Variants in GSK3B observed in about 807,000 individuals in gnomAD.
GSK3B encodes the protein glycogen synthase kinase 3 beta, also known as glycogen synthase kinase-3 beta.
GSK3B carries 15 observed loss-of-function variants against 56.4 expected under a neutral mutation model. The ratio of observed to expected loss-of-function variants is 0.27; its 90% CI spans 0.18 to 0.41. GSK3B has a LOEUF of 0.41. GSK3B is among the 10% of genes least tolerant of loss of function. The probability of loss-of-function intolerance (pLI) is 1.00; values close to 1 mark genes in which losing one functional copy is unlikely to be tolerated. For missense variants in GSK3B, 300 were observed against 513.4 expected (o/e 0.58, Z 4.02); for synonymous variants, 181 against 188.9 (o/e 0.96, Z 0.34).
At chr3:119,996,422 T>A (rs2057618585) in intron 2 of GSK3B, among the ~76,000 whole-genome samples, 1 of 152,238 alleles carries the variant, frequency 6.6e-6, no homozygotes, top group African/African-American at 2.4e-5. Flanking sequence ...GCCAAGGCTT[T>A]GGGTGCTCTC....
At chr3:119,840,610 C>A (rs1322719209) in intron 10 of GSK3B, among the ~76,000 whole-genome samples, 3 of 152,198 alleles carry the variant, frequency 2.0e-5, no homozygotes, top group Non-Finnish European at 2.9e-5. Flanking sequence ...TCTTAAACTA[C>A]AGGCAGCCGG....
chr3:119,843,213 C>T, intron 10 of GSK3B, 42 bp downstream of exon 10: 2 of 1,315,216 alleles, frequency 1.5e-6, no homozygotes, highest in Non-Finnish European at 2.2e-6. Context: ...TCATGCCCAG[C>T]CCAGAATATG....
intron 1 of GSK3B, among the ~76,000 whole-genome samples, chr3:120,062,653 G>C (rs2058247842): frequency 6.6e-6 from 1 of 152,166 alleles, no homozygotes; most frequent in African/African-American, 2.4e-5. Context: ...CAGAGAATGG[G>C]AAGAATGAGG....
intron 1 of GSK3B, 76 bp from the exon 2 acceptor site, chr3:120,002,315 G>T: frequency 1.4e-6 from 1 of 692,342 alleles, no homozygotes; most frequent in Non-Finnish European, 2.3e-6. Flanking sequence ...AAATATACAA[G>T]GTAAACTATA....
At chr3:119,947,529 C>T (rs2057112271) in intron 2 of GSK3B, among the ~76,000 whole-genome samples, 178 bp from the exon 3 acceptor site, 1 of 152,116 alleles carries the variant, frequency 6.6e-6, no homozygotes, top group African/African-American at 2.4e-5. Context: ...AGTCCATGAA[C>T]TATCTGTTAC....
At chr3:119,907,952 T>C (rs1473120002) in intron 6 of GSK3B, among the ~76,000 whole-genome samples, 1 of 152,206 alleles carries the variant, frequency 6.6e-6, no homozygotes, top group Non-Finnish European at 1.5e-5. Flanking sequence ...ATTCTGCCAT[T>C]TGTCAGTAAG....
chr3:119,837,790 T>C (rs1559802370), intron 10 of GSK3B, among the ~76,000 whole-genome samples: 2 of 150,960 alleles, frequency 1.3e-5, no homozygotes, highest in South Asian at 2.1e-4. Flanking sequence ...TTTATTACTT[T>C]AGATGTTCCA....
chr3:120,034,954 G>A (rs551152473), intron 1 of GSK3B, among the ~76,000 whole-genome samples: 8 of 152,088 alleles, frequency 5.3e-5, no homozygotes, highest in South Asian at 2.1e-4. Flanking sequence ...TTAGCTAGGC[G>A]TGGTGGCAGG....
intron 3 of GSK3B, among the ~76,000 whole-genome samples, chr3:119,944,718 TG>T (rs1180101047): frequency 2.6e-5 from 4 of 152,158 alleles, no homozygotes; most frequent in African/African-American, 9.7e-5. Context: ...ATCCATCTAC[TG>T]GGAATCTCTA....
In GSK3B at chr3:119,824,480, C is replaced by T. The variant is rs150443898; in HGVS notation, c.*2308G>A. ...TTTATGGACTCTGGGGAGTATACCA[C>T]GTCCAGAGCAGTGTCTGCATCCAAA... On this transcript the variant is annotated 3_prime_UTR_variant, in exon 11 of 11. Transcript: ENST00000264235. 4 of 215,530 alleles carry T rather than the reference C, an allele frequency of 1.9e-5. No individual in the cohort carries two copies. Among genetic ancestry groups the T allele is most frequent in the East Asian group, 1.4e-4 (2 of 14,728 alleles). 13.4% of individuals were successfully genotyped at this position (215,530 alleles called of 1,614,324 possible).
At chr3:119,999,268 T>C (rs1053928389) in intron 2 of GSK3B, among the ~76,000 whole-genome samples, 1 of 152,128 alleles carries the variant, frequency 6.6e-6, no homozygotes, top group Non-Finnish European at 1.5e-5. Flanking sequence ...AGAGGATGAA[T>C]ACTGTGAGAG....
intron 1 of GSK3B, among the ~76,000 whole-genome samples, chr3:120,034,806 T>C (rs1163665524): frequency 6.6e-6 from 1 of 152,162 alleles, no homozygotes; most frequent in East Asian, 1.9e-4. Context: ...CAAATTAAAA[T>C]GAGGGCCAGG....
intron 2 of GSK3B, among the ~76,000 whole-genome samples, chr3:119,999,725 C>T (rs2057657392): frequency 6.6e-6 from 1 of 152,116 alleles, no homozygotes; most frequent in Non-Finnish European, 1.5e-5. Flanking sequence ...AAGAATTTGA[C>T]CTGAGTTTTC....
At chr3:119,837,565 C>T (rs1278215665) in intron 10 of GSK3B, among the ~76,000 whole-genome samples, 2 of 151,936 alleles carry the variant, frequency 1.3e-5, no homozygotes, top group Admixed American at 6.6e-5. Flanking sequence ...GACCACTTCT[C>T]GGTAGATAAT....
In GSK3B at chr3:119,990,551, T is replaced by C. The variant is rs2057554900; in HGVS notation, c.282+11495A>G. 3.3e-5 allele frequency among the ~76,000 whole-genome samples: 5 copies of C among 152,248 alleles called. No individual in the cohort carries two copies. The South Asian group carries it at 1.0e-3, about 31-fold the overall frequency. ...TTCCTCTGGCACTGTCTCCAGAATA[T>C]ATTCAGAGAATACTCATATCCTTAA... On this transcript the variant is annotated intron_variant, in intron 2 of 10. Coordinates refer to ENST00000264235, the MANE Select transcript of GSK3B (RefSeq NM_001146156.2).
intron 4 of GSK3B, among the ~76,000 whole-genome samples, chr3:119,922,275 A>AAGGAAGGAAGGAAGGAAGGG (rs1202734045): frequency 7.0e-5 from 10 of 142,340 alleles, no homozygotes; most frequent in Non-Finnish European, 9.4e-5. Flanking sequence ...GGAAGGAAGG[A>AAGGAAGGAAGGAAGGAAGGG]AGGGAGGAGG....
Position 120,093,455 on chromosome 3 carries a change from A to G in GSK3B, c.-21T>C, listed in dbSNP as rs2107590718. On this transcript the variant is annotated 5_prime_UTR_variant, in exon 1 of 11. Transcript: ENST00000264235. The stretch of plus-strand genomic sequence containing the variant: ...GACATGATCACTCTCTTCGCGAATC[A>G]CCTTTTCCTTCCTTCCTCCTTTTCT... 1 of 1,528,706 alleles carries G rather than the reference A, an allele frequency of 6.5e-7. No homozygotes were observed. The allele number at this position is 1,528,706 out of a possible 1,614,324, so 94.7% of individuals were successfully genotyped here.
At chr3:120,040,377 G>A (rs535682726) in intron 1 of GSK3B, among the ~76,000 whole-genome samples, 48 of 152,302 alleles carry the variant, frequency 3.2e-4, no homozygotes, top group African/African-American at 1.0e-3. Flanking sequence ...ATATTCCCGC[G>A]AGGGAAGTGG....
intron 2 of GSK3B, among the ~76,000 whole-genome samples, chr3:119,976,765 C>CAAA (rs563133631): frequency 6.5e-4 from 54 of 82,968 alleles, no homozygotes; most frequent in East Asian, 1.4e-3. Context: ...CCACTCCCCA[C>CAAA]AAAAAAAAAA....
Sources: gnomAD v4.1 joint callset for allele counts (sites outside exome capture counted in the v4.1 genomes callset) on GRCh38, gnomAD v4.1.1 for gene constraint, MANE v1.5 for transcripts, NCBI Gene and HGNC (gene_info 2026-07-23, HGNC 2026-07-21) for gene names.